KRT7: variants seen among roughly 807,000 people sequenced by gnomAD.
The protein encoded by KRT7 is keratin, type II cytoskeletal 7.
A neutral mutation model predicts 42.8 loss-of-function variants in KRT7; 50 were observed. The ratio of observed to expected loss-of-function variants is 1.17; its 90% CI spans 0.93 to 1.48. The LOEUF (loss-of-function observed/expected upper bound fraction) is 1.48. Ranked by LOEUF, KRT7 falls within the 40% of genes most tolerant of loss-of-function variation. The pLI is 0.00. For synonymous variants in KRT7, 268 were observed against 266.3 expected (o/e 1.01, Z -0.06); for missense variants, 588 against 637.6 (o/e 0.92, Z 0.84).
intron 3 of KRT7, 147 bp downstream of exon 3, chr12:52,237,716 G>T: frequency 1.7e-6 from 1 of 588,224 alleles, no homozygotes. Flanking sequence ...CCTGTCCTGT[G>T]GGTGCGTGTA....
chr12:52,248,327 C>T, intron 8 of KRT7, 116 bp downstream of exon 8: 1 of 1,111,822 alleles, frequency 9.0e-7, no homozygotes, highest in Non-Finnish European at 1.3e-6. Context: ...AGACTCCTTC[C>T]TTTCTACAGG....
At chr12:52,253,337 C>T, downstream of KRT7, 1 of 1,612,842 alleles carries the variant, frequency 6.2e-7, no homozygotes. Context: ...CATCTCCTCA[C>T]ACTGGGGAAG....
chr12:52,249,046 G>A (rs1485821065), downstream of KRT7: 4 of 272,094 alleles, frequency 1.5e-5, no homozygotes, highest in East Asian at 2.8e-4. Context: ...GGTGGGATGG[G>A]GTGCTGCTCT....
At chr12:52,247,172 CT>C (rs1942185929) in intron 7 of KRT7, 1 of 151,858 alleles carries the variant, frequency 6.6e-6, no homozygotes, top group South Asian at 2.1e-4. Context: ...AAAAACCCCA[CT>C]TACTTAGAAT....
intron 1 of KRT7, among the ~76,000 whole-genome samples, chr12:52,234,131 G>GGA (rs1235950412): frequency 1.3e-5 from 2 of 149,358 alleles, no homozygotes; most frequent in African/African-American, 2.5e-5. Context: ...CGGGGGAGGG[G>GGA]GGGGGGCTCC....
intron 7 of KRT7, 111 bp from the exon 8 acceptor site, chr12:52,248,066 A>G (rs746056697): frequency 9.6e-7 from 1 of 1,042,764 alleles, no homozygotes; most frequent in Non-Finnish European, 1.5e-6. Flanking sequence ...AGTGTGGGGC[A>G]AGAAGGAAAA....
At chr12:52,251,680 C>G, downstream of KRT7, 1 of 301,184 alleles carries the variant, frequency 3.3e-6, no homozygotes, top group South Asian at 3.2e-5. Context: ...GTCCTATATT[C>G]CATCCATCCT....
downstream of KRT7, chr12:52,252,181 A>G: frequency 4.6e-6 from 7 of 1,523,148 alleles, no homozygotes; most frequent in East Asian, 2.3e-5. Context: ...TAATATGCAG[A>G]CATGCTCCTG....
At chr12:52,255,348 A>G (rs1398494730), downstream of KRT7, 1 of 456,648 alleles carries the variant, frequency 2.2e-6, no homozygotes. Flanking sequence ...GGGGTCACTC[A>G]CCTTCTTCAA....
chr12:52,239,372 C>G (rs1942053893), intron 4 of KRT7, among the ~76,000 whole-genome samples: 1 of 152,174 alleles, frequency 6.6e-6, no homozygotes, highest in Non-Finnish European at 1.5e-5. Context: ...AAGCAAAGGG[C>G]TAGTATATCC....
downstream of KRT7, among the ~76,000 whole-genome samples, chr12:52,249,854 G>A (rs1942235801): frequency 1.3e-5 from 2 of 152,148 alleles, no homozygotes; most frequent in Admixed American, 1.3e-4. Context: ...ACTTTCAAAT[G>A]CTGAGGTGGG....
intron 8 of KRT7, 89 bp downstream of exon 8, chr12:52,248,300 CTG>C: frequency 2.2e-6 from 3 of 1,361,062 alleles, no homozygotes; most frequent in Non-Finnish European, 3.1e-6. Flanking sequence ...GCCCAGGGCC[CTG>C]CTGGAGGGGC....
In KRT7 at chr12:52,248,506, G is replaced by T. The variant is rs1413615926; in HGVS notation, c.1241-85G>T. On this transcript the variant is annotated intron_variant, in intron 8 of 8. Transcript: ENST00000331817. ...AGGGGTGAGGGAGAGGGGCAGCTGG[G>T]GCAGGAGGGTGGGGTGCAGTGAAGG... 5 of 1,362,806 alleles carry T rather than the reference G, an allele frequency of 3.7e-6. No individual in the cohort carries two copies. In the African/African-American group the frequency reaches 4.4e-5, roughly 12 times the overall value. The allele number at this position is 1,362,806 out of a possible 1,614,324, so 84.4% of individuals were successfully genotyped here.
downstream of KRT7, chr12:52,250,338 T>A (rs899241774): frequency 1.5e-5 from 5 of 340,974 alleles, no homozygotes; most frequent in Non-Finnish European, 2.2e-5. Flanking sequence ...AGGCGCGGCG[T>A]GGGGGCCGAT....
chr12:52,249,541 G>A (rs774261252), downstream of KRT7: 2 of 152,420 alleles, frequency 1.3e-5, no homozygotes, highest in Non-Finnish European at 2.9e-5. Flanking sequence ...GTTTGTATCT[G>A]GATCCATGGG....
chr12:52,243,767 G>A lies in KRT7; in HGVS notation c.984+630G>A, dbSNP rs372129153. Reference sequence around the variant, plus strand: ...ACTCTCAAACACCAGCCCCTCTATCGGCAGCCTGTCTGAAGTTCTTTGAAG... The same window carrying A: ...ACTCTCAAACACCAGCCCCTCTATCAGCAGCCTGTCTGAAGTTCTTTGAAG... On this transcript the variant is annotated intron_variant, in intron 6 of 8. Coordinates refer to ENST00000331817, the MANE Select transcript of KRT7 (RefSeq NM_005556.4). 1.2e-3 allele frequency among the ~76,000 whole-genome samples: 183 copies of A among 152,256 alleles called. 1 individual carries two copies. Among genetic ancestry groups the A allele is most frequent in the African/African-American group, 4.3e-3 (178 of 41,546 alleles).
At chr12:52,253,052 C>G (rs1259096854), downstream of KRT7, among the ~76,000 whole-genome samples, 1 of 152,204 alleles carries the variant, frequency 6.6e-6, no homozygotes, top group African/African-American at 2.4e-5. Flanking sequence ...TGCCTCCATT[C>G]AGCGAGAATG....
chr12:52,241,861 T>C, intron 5 of KRT7: 1 of 430,124 alleles, frequency 2.3e-6, no homozygotes. Context: ...ATATGGCAAG[T>C]ACTTACACAG....
At chr12:52,236,202 C>CG (rs1942010062) in intron 2 of KRT7, among the ~76,000 whole-genome samples, 5 of 150,842 alleles carry the variant, frequency 3.3e-5, no homozygotes, top group Admixed American at 2.6e-4. Flanking sequence ...GGAGTGCCCC[C>CG]CCCCAACACT....
Sources: gnomAD v4.1 joint callset for allele counts (sites outside exome capture counted in the v4.1 genomes callset) on GRCh38, gnomAD v4.1.1 for gene constraint, MANE v1.5 for transcripts, NCBI Gene and HGNC (gene_info 2026-07-23, HGNC 2026-07-21) for gene names.